The following NUP37 variants were observed in gnomAD, a reference collection of about 807,000 sequenced individuals.
NUP37 encodes the protein nucleoporin 37, also known as nucleoporin Nup37.
NUP37 carries 33 observed loss-of-function variants against 45.4 expected under a neutral mutation model. The ratio of observed to expected loss-of-function variants is 0.73; its 90% CI spans 0.55 to 0.97. The LOEUF is 0.97. NUP37 is among the 50% of genes least tolerant of loss of function. NUP37 has a pLI of 0.00. For missense variants in NUP37, 365 were observed against 389.7 expected, an observed-to-expected ratio of 0.94 and a Z score of 0.53; for synonymous variants, 127 against 130.7, an observed-to-expected ratio of 0.97 and a Z score of 0.19.
At chr12:102,077,891 A>C (rs1879221225) in intron 6 of NUP37, among the ~76,000 whole-genome samples, 1 of 152,198 alleles carries the variant, frequency 6.6e-6, no homozygotes, top group Admixed American at 6.5e-5. Flanking sequence ...AAAATTCCAA[A>C]ATCTGAAACC....
At position 102,118,473 on chromosome 12, in the gene NUP37, C is replaced by T; in HGVS notation, c.46G>A (p.Glu16Lys). The T allele has an allele frequency of 6.2e-7, 1 of 1,613,974 alleles. No homozygotes were observed. Among genetic ancestry groups the T allele is most frequent in the Non-Finnish European group, 8.5e-7 (1 of 1,179,964 alleles). Reference protein sequence around the residue: ...SRNAAYTVDCEDYVHVVEFNP... With the variant: ...SRNAAYTVDCKDYVHVVEFNP... ...AATTCTACCACATGCACATAATCTT[C>T]ACAATCCACAGTGTAGGCAGCATTT... The change falls in exon 2 of 10, where the codon GAA (glutamate) becomes AAA (lysine). Residue 16 changes from glutamate to lysine, a missense_variant. Physicochemically the swap from Glu to Lys is moderately conservative, Grantham distance 56. Transcript: ENST00000552283.
At chr12:102,108,935 G>A (rs1302073998) in intron 3 of NUP37, among the ~76,000 whole-genome samples, 3 of 152,144 alleles carry the variant, frequency 2.0e-5, no homozygotes, top group African/African-American at 7.2e-5. Context: ...TTGTAAAGAG[G>A]TATTAATAGC....
rs531718275 is a variant in NUP37 at position 102,088,748 on chromosome 12, GT to G, written c.450-2893del. 1.5e-3 allele frequency among the ~76,000 whole-genome samples: 201 copies of G among 132,880 alleles called. 1 individual carries two copies. The highest frequency in any genetic ancestry group is 5.3e-3 in the African/African-American group (188 of 35,340). The allele number at this position is 132,880 out of a possible 152,430, so 87.2% of individuals were successfully genotyped here. A position where few individuals can be genotyped will look rare whatever the true frequency, so the allele number is the denominator to read the frequency against. ...TAGTATTTATTGAACATTCTTGGGT[GT>G]TTCTCGGAGAGGGGGATGTGGCAGG... On this transcript the variant is annotated intron_variant, in intron 5 of 9. Coordinates refer to ENST00000552283, the MANE Select transcript of NUP37 (RefSeq NM_024057.4).
intron 5 of NUP37, among the ~76,000 whole-genome samples, chr12:102,089,912 C>G (rs1474299863): frequency 1.3e-5 from 2 of 152,188 alleles, no homozygotes; most frequent in African/African-American, 4.8e-5. Flanking sequence ...CTGCTGTAAG[C>G]CGTCTTGCAT....
chr12:102,076,887 A>C, intron 7 of NUP37, 40 bp from the exon 8 acceptor site: 1 of 1,448,650 alleles, frequency 6.9e-7, no homozygotes. Flanking sequence ...TTATGTGTTA[A>C]ACTCAAGTGG....
intron 5 of NUP37, among the ~76,000 whole-genome samples, chr12:102,098,374 T>C (rs1161421595): frequency 6.6e-6 from 1 of 152,214 alleles, no homozygotes; most frequent in Non-Finnish European, 1.5e-5. Context: ...TCTGAATTTA[T>C]CAAAACACTA....
intron 8 of NUP37, 122 bp downstream of exon 8, chr12:102,076,675 C>T: frequency 2.8e-6 from 2 of 717,474 alleles, no homozygotes; most frequent in Non-Finnish European, 4.7e-6. Flanking sequence ...AAAATAACCA[C>T]TTATAAAACA....
intron 5 of NUP37, among the ~76,000 whole-genome samples, chr12:102,089,363 G>A (rs1879573847): frequency 7.0e-6 from 1 of 142,804 alleles, no homozygotes; most frequent in Non-Finnish European, 1.5e-5. Context: ...CAGACTGGGT[G>A]GCGGCCGGGC....
At chr12:102,113,659 T>C (rs755655884) in intron 2 of NUP37, among the ~76,000 whole-genome samples, 2 of 152,222 alleles carry the variant, frequency 1.3e-5, no homozygotes, top group African/African-American at 2.4e-5. Context: ...AGGAATCTTC[T>C]GTGCTAACTA....
intron 3 of NUP37, 76 bp downstream of exon 3, chr12:102,112,032 C>T (rs1880331635): frequency 2.4e-5 from 32 of 1,358,542 alleles, no homozygotes; most frequent in Non-Finnish European, 3.3e-5. Flanking sequence ...AAAAAAGTAT[C>T]TATGATCAGA....
chr12:102,095,229 T>A (rs919738533), intron 5 of NUP37, among the ~76,000 whole-genome samples: 1 of 152,104 alleles, frequency 6.6e-6, no homozygotes, highest in Non-Finnish European at 1.5e-5. Flanking sequence ...AATGACACTT[T>A]TACCTTCTTT....
intron 7 of NUP37, 68 bp downstream of exon 7, chr12:102,077,254 A>T: frequency 6.7e-7 from 1 of 1,482,328 alleles, no homozygotes. Flanking sequence ...AGGATGGATG[A>T]GTGGATCATT....
intron 7 of NUP37, chr12:102,077,090 T>C (rs1879191700): frequency 3.2e-6 from 2 of 616,278 alleles, no homozygotes; most frequent in Non-Finnish European, 5.7e-6. Flanking sequence ...AAGTCAACAT[T>C]GCACAGATCC....
Position 102,112,229 on chromosome 12 carries a change from C to T in NUP37, c.160G>A (p.Glu54Lys). The T allele has an allele frequency of 1.9e-6, 3 of 1,610,936 alleles. No homozygotes were observed. Among genetic ancestry groups the T allele is most frequent in the Non-Finnish European group, 2.5e-6 (3 of 1,177,478 alleles). The change falls in exon 3 of 10, where the codon GAA becomes AAA. Residue 54 changes from glutamate to lysine, a missense_variant. Physicochemically the swap from Glu to Lys is moderately conservative, Grantham distance 56 (BLOSUM62 1). Transcript: ENST00000552283. ...VVIGTCTFQE[E>K]EADVEGIQYK... ...TGAATGCCTTCAACGTCTGCTTCTT[C>T]TTCCTAAGCATACACAGTAAATGTT...
Position 102,097,864 on chromosome 12 carries a change from T to C in NUP37, c.449+1242A>G, listed in dbSNP as rs140323643. ...ATCTTAATGTCATGTAAATCTTTCATATCTCTGACATGAAAATTTTAACAG... is the reference window on the plus strand; with the variant it reads ...ATCTTAATGTCATGTAAATCTTTCACATCTCTGACATGAAAATTTTAACAG... On this transcript the variant is annotated intron_variant, in intron 5 of 9. Coordinates refer to ENST00000552283, the MANE Select transcript of NUP37 (RefSeq NM_024057.4). Among the ~76,000 whole-genome samples the C allele has an allele frequency of 5.9e-3, 897 of 152,306 alleles. 11 individuals are homozygous for C. Among genetic ancestry groups the C allele is most frequent in the African/African-American group, 0.02 (842 of 41,574 alleles).
At chr12:102,087,816 T>G (rs991424381) in intron 5 of NUP37, among the ~76,000 whole-genome samples, 1 of 152,206 alleles carries the variant, frequency 6.6e-6, no homozygotes, top group Non-Finnish European at 1.5e-5. Context: ...AATATTTTCA[T>G]GATTTTTTTC....
intron 3 of NUP37, among the ~76,000 whole-genome samples, chr12:102,105,373 T>C (rs1880107684): frequency 6.8e-6 from 1 of 147,554 alleles, no homozygotes; most frequent in Non-Finnish European, 1.5e-5. Context: ...AAAAAAAAAA[T>C]ACAAAAATTA....
intron 2 of NUP37, among the ~76,000 whole-genome samples, chr12:102,113,921 T>C (rs1238320160): frequency 2.6e-5 from 4 of 152,224 alleles, no homozygotes; most frequent in Non-Finnish European, 5.9e-5. Context: ...ACAAATATAC[T>C]ACACATCTTT....
At chr12:102,106,095 C>A (rs538350696) in intron 3 of NUP37, among the ~76,000 whole-genome samples, 33 of 152,086 alleles carry the variant, frequency 2.2e-4, no homozygotes, top group Admixed American at 1.9e-3. Context: ...GATGCATCAA[C>A]AAGGCAAAGA....
Sources: allele counts gnomAD v4.1 joint callset (sites outside exome capture counted in the v4.1 genomes callset), GRCh38; gene constraint gnomAD v4.1.1; transcripts MANE v1.5; gene names NCBI Gene and HGNC (gene_info 2026-07-23, HGNC 2026-07-21).